The following MCIDAS variants were observed in gnomAD, a reference collection of about 807,000 sequenced individuals.
MCIDAS encodes the protein multicilin.
In MCIDAS, 23 loss-of-function variants were observed where a neutral mutation model predicts 35.4. The ratio of observed to expected loss-of-function variants is 0.65; its 90% CI spans 0.47 to 0.92. The LOEUF (loss-of-function observed/expected upper bound fraction) is 0.92, where lower values mean the gene tolerates loss of function less well. Ranked by LOEUF, MCIDAS falls within the 40% of genes least tolerant of loss-of-function variation. MCIDAS has a pLI of 0.00. For synonymous variants in MCIDAS, 228 were observed against 235.2 expected (o/e 0.97, Z 0.28); for missense variants, 480 against 531.8 (o/e 0.90, Z 0.96).
In MCIDAS at chr5:55,220,314, C is replaced by T; in HGVS notation, c.*52G>A. 1 of 1,478,808 alleles carries T rather than the reference C, an allele frequency of 6.8e-7. No individual in the cohort carries two copies. 91.6% of individuals were successfully genotyped at this position (1,478,808 alleles called of 1,614,324 possible). ...TGAAGGCAAAGTTCTGGGAAGCCCCCAGGCACTTCAGTGGAAACACAGGGC... is the reference window on the plus strand; with the variant it reads ...TGAAGGCAAAGTTCTGGGAAGCCCCTAGGCACTTCAGTGGAAACACAGGGC... On this transcript the variant is annotated 3_prime_UTR_variant, in exon 7 of 7. Transcript: ENST00000513312.
At chr5:55,222,499 T>G in intron 4 of MCIDAS, 100 bp from the exon 5 acceptor site, 4 of 1,025,016 alleles carry the variant, frequency 3.9e-6, no homozygotes, top group Non-Finnish European at 5.5e-6. Flanking sequence ...GTAGAGATTT[T>G]TCTTTATTAA....
rs1445532024 is a variant in MCIDAS, at chr5:55,226,676, G to T, written c.218-9C>A. The T allele has an allele frequency of 6.7e-7, 1 of 1,484,470 alleles. No individual in the cohort carries two copies. Among genetic ancestry groups the T allele is most frequent in the East Asian group, 2.7e-5 (1 of 37,638 alleles). The allele number at this position is 1,484,470 out of a possible 1,614,324, so 92.0% of individuals were successfully genotyped here. Reference sequence around the variant, plus strand: ...GTCTATGGTGGTGAGGGCTGCGCGGGGAGACCGGGAGACACGCGCCGGGCG... The same window carrying T: ...GTCTATGGTGGTGAGGGCTGCGCGGTGAGACCGGGAGACACGCGCCGGGCG... On this transcript the variant is annotated splice_polypyrimidine_tract_variant and intron_variant, in intron 2 of 6. Transcript: ENST00000513312.
In MCIDAS at chr5:55,221,000, C is replaced by G; in HGVS notation, c.717+16G>C. ...TCCGACGTGCTGCAGTTCCCACACG[C>G]CCGCGCCCCACTTACATCCAGCACC... On this transcript the variant is annotated intron_variant, in intron 6 of 6. Coordinates refer to ENST00000513312, the MANE Select transcript of MCIDAS (RefSeq NM_001190787.3). 5 of 1,532,154 alleles carry G rather than the reference C, an allele frequency of 3.3e-6. No individual in the cohort carries two copies. Among genetic ancestry groups the G allele is most frequent in the Admixed American group, 2.0e-5 (1 of 50,954 alleles). 94.9% of individuals were successfully genotyped at this position (1,532,154 alleles called of 1,614,324 possible).
At chr5:55,222,114 C>T in intron 5 of MCIDAS, 62 bp downstream of exon 5, 1 of 1,492,684 alleles carries the variant, frequency 6.7e-7, no homozygotes, top group Middle Eastern at 2.3e-4. Context: ...GCAAACCCCA[C>T]TTCCACCCTC....
chr5:55,225,562 G>C (rs1249710319), intron 3 of MCIDAS, among the ~76,000 whole-genome samples: 2 of 152,236 alleles, frequency 1.3e-5, no homozygotes, highest in Non-Finnish European at 2.9e-5. Flanking sequence ...GCTCTCAGCA[G>C]CCACCTAAAC....
chr5:55,221,262 AT>A (rs1745352042), intron 5 of MCIDAS, 136 bp from the exon 6 acceptor site: 1 of 559,754 alleles, frequency 1.8e-6, no homozygotes, highest in African/African-American at 2.5e-5. Flanking sequence ...AGTGAGAATA[AT>A]AATCAATTTA....
In MCIDAS at chr5:55,227,193, C is replaced by A; in HGVS notation, c.-55G>T. The A allele has an allele frequency of 7.1e-7, 1 of 1,402,330 alleles. No individual in the cohort carries two copies. The allele number at this position is 1,402,330 out of a possible 1,614,324, so 86.9% of individuals were successfully genotyped here. A position where few individuals can be genotyped will look rare whatever the true frequency, so the allele number is the denominator to read the frequency against. On this transcript the variant is annotated 5_prime_UTR_variant, in exon 1 of 7. Transcript: ENST00000513312. ...TCGGAGGCGGCGGCCCGGGCTGGGG[C>A]AGCGATCCACACCCTGCACTCCCTT...
chr5:55,223,147 A>T lies in MCIDAS; in HGVS notation c.310-124T>A. The T allele has an allele frequency of 1.3e-6, 1 of 748,946 alleles. No homozygotes were observed. The highest frequency in any genetic ancestry group is 2.2e-6 in the Non-Finnish European group (1 of 454,862). The allele number at this position is 748,946 out of a possible 1,614,324, so 46.4% of individuals were successfully genotyped here. ...CAATATATGCACGTAACACAACTGC[A>T]CTTGTACCCCTAAGTCCCCCCAAAT... On this transcript the variant is annotated intron_variant, in intron 3 of 6. Transcript: ENST00000513312. This position sits in a 1 kb window ranked among gnomAD's most constrained non-coding sequence, Gnocchi z 4.4.
At chr5:55,222,037 A>G (rs1388660945) in intron 5 of MCIDAS, 139 bp downstream of exon 5, 22 of 668,762 alleles carry the variant, frequency 3.3e-5, no homozygotes, top group Non-Finnish European at 5.4e-5. Context: ...CCACCGGAGC[A>G]ATGGCAGCTA....
At chr5:55,224,580 T>C (rs1289059576) in intron 3 of MCIDAS, among the ~76,000 whole-genome samples, 1 of 152,164 alleles carries the variant, frequency 6.6e-6, no homozygotes, top group Non-Finnish European at 1.5e-5. Flanking sequence ...GGGCTCATTC[T>C]TCAATAACTG....
intron 2 of MCIDAS, 37 bp from the exon 3 acceptor site, chr5:55,226,704 C>T: frequency 1.4e-6 from 2 of 1,441,510 alleles, no homozygotes; most frequent in South Asian, 2.8e-5. Context: ...GCCGGGCGGG[C>T]CCTGAGCCTC....
At chr5:55,220,934 C>A in intron 6 of MCIDAS, 82 bp downstream of exon 6, 4 of 1,448,618 alleles carry the variant, frequency 2.8e-6, no homozygotes, top group Non-Finnish European at 3.7e-6. Flanking sequence ...CGGGCCCCCA[C>A]GGGTCCCGAT....
Position 55,223,083 on chromosome 5 carries a change from AATATTGGC to A in MCIDAS, c.310-68_310-61del, listed in dbSNP as rs1374142271. On this transcript the variant is annotated intron_variant, in intron 3 of 6. Transcript: ENST00000513312. This position sits in a 1 kb window ranked among gnomAD's most constrained non-coding sequence, Gnocchi z 4.4. The stretch of plus-strand genomic sequence containing the variant: ...GTCTGGCGTTAGAAAGCCTTCAATA[AATATTGGC>A]GTCCCTGTTAAAAATCTGGCAGGCA... 35 of 1,364,590 alleles carry A rather than the reference AATATTGGC, an allele frequency of 2.6e-5. 1 individual carries two copies. Among genetic ancestry groups the A allele is most frequent in the Admixed American group, 1.4e-4 (7 of 50,422 alleles). 84.5% of individuals were successfully genotyped at this position (1,364,590 alleles called of 1,614,324 possible). A position where few individuals can be genotyped will look rare whatever the true frequency, so the allele number is the denominator to read the frequency against.
intron 3 of MCIDAS, among the ~76,000 whole-genome samples, chr5:55,224,979 C>T (rs1034848602): frequency 2.6e-5 from 4 of 152,132 alleles, no homozygotes; most frequent in African/African-American, 4.8e-5. Flanking sequence ...GCAGACAGAT[C>T]GCTAGAGCAC....
At chr5:55,224,599 C>A (rs1745422499) in intron 3 of MCIDAS, among the ~76,000 whole-genome samples, 1 of 152,168 alleles carries the variant, frequency 6.6e-6, no homozygotes, top group Admixed American at 6.5e-5. Flanking sequence ...TGGAAGGTCT[C>A]CTCCTGGGTA....
At position 55,220,463 on chromosome 5, in the gene MCIDAS, C is replaced by T; in HGVS notation, c.1061G>A (p.Ser354Asn). ...EGGSFSTRIR[S>N]HSTIRTLAFP... The stretch of plus-strand genomic sequence containing the variant: ...GGCGAGGGTGCGGATGGTGCTGTGG[C>T]TGCGGATGCGGGTGCTGAAGGAGCC... Residue 354 changes from serine to asparagine, a missense_variant, in exon 7 of 7, where the codon AGC becomes AAC. Physicochemically the swap from Ser to Asn is conservative, Grantham distance 46. Coordinates refer to ENST00000513312, the MANE Select transcript of MCIDAS (RefSeq NM_001190787.3). The T allele has an allele frequency of 6.5e-7, 1 of 1,536,074 alleles. No individual in the cohort carries two copies. The highest frequency in any genetic ancestry group is 8.7e-7 in the Non-Finnish European group (1 of 1,146,898).
rs983442534 is a variant in MCIDAS, at chr5:55,223,154, C to T, written c.310-131G>A. On this transcript the variant is annotated intron_variant, in intron 3 of 6. Coordinates refer to ENST00000513312, the MANE Select transcript of MCIDAS (RefSeq NM_001190787.3). The surrounding 1 kb of genome is among the most constrained non-coding windows in gnomAD (Gnocchi z 4.4). ...TGCACGTAACACAACTGCACTTGTA[C>T]CCCTAAGTCCCCCCAAATAAAACAA... The T allele has an allele frequency of 2.3e-5, 16 of 693,162 alleles. No homozygotes were observed. The highest frequency in any genetic ancestry group is 1.1e-4 in the African/African-American group (6 of 55,804). 42.9% of individuals were successfully genotyped at this position (693,162 alleles called of 1,614,324 possible).
rs1745458330 is a variant in MCIDAS, at chr5:55,226,597, A to G, written c.288T>C (p.Gly96=). Residue 96 remains glycine, a synonymous_variant, in exon 3 of 7, where the codon GGT becomes GGC. Transcript: ENST00000513312. ...SSLLGSDAPP[G]GDLAASQNHS... ...GTACCTGCGAGGCGGCCAGGTCACCACCAGGCGGCGCGTCGGACCCGAGTA... is the reference window on the plus strand; with the variant it reads ...GTACCTGCGAGGCGGCCAGGTCACCGCCAGGCGGCGCGTCGGACCCGAGTA... The G allele has an allele frequency of 3.9e-6, 6 of 1,532,266 alleles. No homozygotes were observed. The highest frequency in any genetic ancestry group is 1.4e-5 in the African/African-American group (1 of 72,776). The allele number at this position is 1,532,266 out of a possible 1,614,324, so 94.9% of individuals were successfully genotyped here.
intron 3 of MCIDAS, among the ~76,000 whole-genome samples, chr5:55,226,141 T>C (rs1183779766): frequency 1.3e-5 from 2 of 152,088 alleles, no homozygotes; most frequent in Non-Finnish European, 2.9e-5. Context: ...AAGTTATCCA[T>C]CAACCTCCAC....
Sources: gnomAD v4.1 joint callset for allele counts (sites outside exome capture counted in the v4.1 genomes callset) on GRCh38, gnomAD v4.1.1 for gene constraint, Gnocchi (gnomAD v3.1) non-coding constraint, MANE v1.5 for transcripts, NCBI Gene and HGNC (gene_info 2026-07-23, HGNC 2026-07-21) for gene names.